Variants in MTHFD2L observed in about 807,000 individuals in gnomAD.
The protein encoded by MTHFD2L is bifunctional methylenetetrahydrofolate dehydrogenase/cyclohydrolase 2, mitochondrial.
Under a neutral mutation model 34.9 loss-of-function variants are expected in MTHFD2L, and 29 were observed. The observed-to-expected ratio is 0.83, with a 90% CI of 0.62 to 1.13. The LOEUF is 1.13. Among genes scored for constraint, MTHFD2L ranks in the 50% most tolerant of loss-of-function variants. The pLI is 0.00. For missense variants in MTHFD2L, 481 were observed against 446.5 expected (o/e 1.08, Z -0.70); for synonymous variants, 167 against 155.7 (o/e 1.07, Z -0.54).
chr4:74,153,368 C>T (rs1230322254), upstream of MTHFD2L, among the ~76,000 whole-genome samples: 2 of 152,164 alleles, frequency 1.3e-5, no homozygotes, highest in Non-Finnish European at 2.9e-5. Context: ...CAAATAATTA[C>T]ATGGACGCAT....
intron 3 of MTHFD2L, among the ~76,000 whole-genome samples, chr4:74,175,883 G>C (rs554140715): frequency 1.3e-5 from 2 of 151,992 alleles, no homozygotes; most frequent in Non-Finnish European, 1.5e-5. Flanking sequence ...CTTTGCAAAA[G>C]CTCGTCAAAA....
intron 6 of MTHFD2L, among the ~76,000 whole-genome samples, chr4:74,250,361 A>T (rs1448583238): frequency 2.6e-5 from 4 of 152,096 alleles, no homozygotes; most frequent in Non-Finnish European, 5.9e-5. Flanking sequence ...TAAAAATAGC[A>T]GTCTTTTTTT....
At chr4:74,158,361 G>T in intron 1 of MTHFD2L, 80 bp downstream of exon 1, 2 of 1,058,424 alleles carry the variant, frequency 1.9e-6, no homozygotes, top group Non-Finnish European at 2.3e-6. Context: ...TCGCGCGCGT[G>T]GGGCCCAAGG....
At chr4:74,222,712 G>A (rs1374954382) in intron 5 of MTHFD2L, among the ~76,000 whole-genome samples, 2 of 152,028 alleles carry the variant, frequency 1.3e-5, no homozygotes, top group Non-Finnish European at 2.9e-5. Flanking sequence ...TAAGTAAACT[G>A]TGTCTTTTAG....
chr4:74,181,735 G>A (rs1730216440), intron 3 of MTHFD2L: 1 of 151,946 alleles, frequency 6.6e-6, no homozygotes, highest in Admixed American at 6.6e-5. Context: ...TTTATTCAAG[G>A]GAATTGGACA....
chr4:74,185,578 C>T (rs1731070081), intron 3 of MTHFD2L, among the ~76,000 whole-genome samples: 1 of 152,022 alleles, frequency 6.6e-6, no homozygotes, highest in Non-Finnish European at 1.5e-5. Flanking sequence ...CTGACCAATA[C>T]CAGGACTTAG....
intron 1 of MTHFD2L, among the ~76,000 whole-genome samples, chr4:74,142,546 T>C (rs1274696942): frequency 6.6e-6 from 1 of 152,220 alleles, no homozygotes; most frequent in East Asian, 1.9e-4. Context: ...CTGTGAGAAA[T>C]AAATGCTTGT....
chr4:74,156,256 C>T (rs1272861567), upstream of MTHFD2L, among the ~76,000 whole-genome samples: 2 of 152,108 alleles, frequency 1.3e-5, no homozygotes, highest in Admixed American at 6.5e-5. Flanking sequence ...ATCTTCTTAA[C>T]CTTTGGCAAC....
At chr4:74,220,092 A>AT (rs35484581) in intron 5 of MTHFD2L, among the ~76,000 whole-genome samples, 133,410 of 148,164 alleles carry the variant, frequency 0.9, 60,219 homozygotes, top group East Asian at 0.95. Flanking sequence ...TTTGGTTTTG[A>AT]TTTTTTTTTT....
chr4:74,162,853 T>C (rs1725763652), intron 1 of MTHFD2L, among the ~76,000 whole-genome samples: 1 of 152,226 alleles, frequency 6.6e-6, no homozygotes, highest in Non-Finnish European at 1.5e-5. Context: ...AAGCAGTTTA[T>C]AATTATTGAC....
At chr4:74,129,115 A>G (rs182702091) in intron 1 of MTHFD2L, among the ~76,000 whole-genome samples, 1 of 152,184 alleles carries the variant, frequency 6.6e-6, no homozygotes, top group Non-Finnish European at 1.5e-5. Context: ...CATCTTTTAA[A>G]TATAACAAGT....
intron 6 of MTHFD2L, among the ~76,000 whole-genome samples, chr4:74,232,025 C>T (rs568677174): frequency 6.8e-4 from 104 of 152,178 alleles, no homozygotes; most frequent in Non-Finnish European, 1.3e-3. Flanking sequence ...TTAATGTATT[C>T]TATGTTAGGC....
At chr4:74,132,354 A>G (rs2109808136) in intron 1 of MTHFD2L, among the ~76,000 whole-genome samples, 1 of 152,294 alleles carries the variant, frequency 6.6e-6, no homozygotes, top group African/African-American at 2.4e-5. Context: ...CCCATCAATG[A>G]TAGATTGGAT....
At chr4:74,166,704 C>T (rs979765616) in intron 1 of MTHFD2L, among the ~76,000 whole-genome samples, 1 of 152,178 alleles carries the variant, frequency 6.6e-6, no homozygotes, top group Non-Finnish European at 1.5e-5. Flanking sequence ...GACCCAGGCT[C>T]TAGGCCTGCA....
chr4:74,297,448 A>G (rs938250792), intron 7 of MTHFD2L, among the ~76,000 whole-genome samples: 16 of 152,010 alleles, frequency 1.1e-4, no homozygotes, highest in African/African-American at 3.6e-4. Context: ...ATATATACCA[A>G]ACTTCTGGTA....
chr4:74,158,129 A>G lies in MTHFD2L; in HGVS notation c.-10A>G, dbSNP rs1560421270. 1 of 1,530,394 alleles carries G rather than the reference A, an allele frequency of 6.5e-7. No individual in the cohort carries two copies. The highest frequency in any genetic ancestry group is 8.8e-7 in the Non-Finnish European group (1 of 1,141,568). 94.8% of individuals were successfully genotyped at this position (1,530,394 alleles called of 1,614,324 possible). On this transcript the variant is annotated 5_prime_UTR_variant, in exon 1 of 8. Transcript: ENST00000325278. ...TGGAGCCCCAGTCCGGAAGCCGGGG[A>G]TCCGCGGCCATGACGGTGCCGGTCC...
intron 6 of MTHFD2L, among the ~76,000 whole-genome samples, chr4:74,257,858 A>G (rs943567977): frequency 2.0e-5 from 3 of 152,196 alleles, no homozygotes; most frequent in South Asian, 4.1e-4. Flanking sequence ...TAAGTAAGTC[A>G]TACAACTCAT....
intron 1 of MTHFD2L, among the ~76,000 whole-genome samples, chr4:74,149,199 GT>G (rs1723783474): frequency 6.6e-6 from 1 of 151,718 alleles, no homozygotes; most frequent in Non-Finnish European, 1.5e-5. Context: ...AGTTTCAGTG[GT>G]TTCCTGCTGT....
intron 1 of MTHFD2L, among the ~76,000 whole-genome samples, chr4:74,169,220 C>G (rs1727389328): frequency 6.6e-6 from 1 of 152,176 alleles, no homozygotes; most frequent in African/African-American, 2.4e-5. Context: ...AAAGTAAACC[C>G]TGAACAGTCT....
Sources: gnomAD v4.1 joint callset for allele counts (sites outside exome capture counted in the v4.1 genomes callset) on GRCh38, gnomAD v4.1.1 for gene constraint, MANE v1.5 for transcripts, NCBI Gene and HGNC (gene_info 2026-07-23, HGNC 2026-07-21) for gene names.